The following AMZ1 variants were observed in gnomAD, a reference collection of about 807,000 sequenced individuals.
The protein encoded by AMZ1 is archaelysin family metallopeptidase 1.
AMZ1 carries 39 observed loss-of-function variants against 29.9 expected under a neutral mutation model. That is an observed-to-expected ratio of 1.30 (90% CI 1.01 to 1.70). AMZ1 has a LOEUF of 1.70. AMZ1 is among the 40% of genes most tolerant of loss of function. The pLI is 0.00. For synonymous variants in AMZ1, 458 were observed against 304.0 expected (o/e 1.51, Z -5.27); for missense variants, 1,041 against 680.6 (o/e 1.53, Z -5.89).
downstream of AMZ1, among the ~76,000 whole-genome samples, chr7:2,722,964 G>A (rs1172693125): frequency 6.6e-6 from 1 of 152,092 alleles, no homozygotes; most frequent in Admixed American, 6.5e-5. Flanking sequence ...GGGCCACAGA[G>A]CAAGACCCTA....
intron 3 of AMZ1, 42 bp downstream of exon 3, chr7:2,702,931 C>G: frequency 6.5e-7 from 1 of 1,532,958 alleles, no homozygotes; most frequent in Non-Finnish European, 8.7e-7. Context: ...AAGGCAGGCC[C>G]CTTCTGGAAG....
chr7:2,689,887 C>T (rs902472895), intron 1 of AMZ1, among the ~76,000 whole-genome samples: 5 of 152,132 alleles, frequency 3.3e-5, no homozygotes, highest in Admixed American at 6.5e-5. Context: ...GCTCCCTCCC[C>T]GTGGGTACCC....
intron 4 of AMZ1, among the ~76,000 whole-genome samples, chr7:2,737,275 T>TTTTGTTTTG (rs1562394871): frequency 1.9e-3 from 75 of 39,760 alleles, no homozygotes; most frequent in African/African-American, 6.4e-3. Flanking sequence ...TTTTGTTTTG[T>TTTTGTTTTG]TTTTTTTTTT....
chr7:2,733,437 G>T, intron 4 of AMZ1: 1 of 1,611,960 alleles, frequency 6.2e-7, no homozygotes, highest in Non-Finnish European at 8.5e-7. Context: ...CTTCGGGCGG[G>T]CGTGCTTACT....
Position 2,698,175 on chromosome 7 carries a change from T to G in AMZ1, c.-218-2059T>G, listed in dbSNP as rs1583155354. 2.6e-5 allele frequency among the ~76,000 whole-genome samples: 4 copies of G among 152,238 alleles called. No homozygotes were observed. The South Asian group carries it at 8.3e-4, about 32-fold the overall frequency. On this transcript the variant is annotated intron_variant, in intron 1 of 6. Coordinates refer to ENST00000683327, the MANE Select transcript of AMZ1 (RefSeq NM_001384743.1). ...TCAGGAGGCTACTGTGAGCCATGAT[T>G]GTGCCACTATACTCTAGCCTGGGCA...
chr7:2,709,119 A>G lies in AMZ1; in HGVS notation c.646A>G (p.Lys216Glu). Residue 216 changes from lysine to glutamate, a missense_variant, in exon 5 of 7, where the codon AAG (lysine) becomes GAG (glutamate). Coordinates refer to ENST00000683327, the MANE Select transcript of AMZ1 (RefSeq NM_001384743.1). ...CGCCCGGTTCTCAGGGGAATTCCCG[A>G]AGTCGGGGCCCAGCGCCCCTGATCT... The part of the protein sequence containing the change: ...SFARFSGEFP[K>E]SGPSAPDLAL... The G allele has an allele frequency of 1.9e-6, 3 of 1,600,838 alleles. No individual in the cohort carries two copies. The highest frequency in any genetic ancestry group is 2.6e-6 in the Non-Finnish European group (3 of 1,174,018).
chr7:2,740,518 G>A (rs1790446929), intron 4 of AMZ1, among the ~76,000 whole-genome samples: 1 of 152,166 alleles, frequency 6.6e-6, no homozygotes, highest in Non-Finnish European at 1.5e-5. Flanking sequence ...CCAGAGCTGT[G>A]AGAAAATTAA....
intron 5 of AMZ1, 59 bp from the exon 6 acceptor site, chr7:2,709,581 G>T (rs1309112469): frequency 6.4e-7 from 1 of 1,567,144 alleles, no homozygotes; most frequent in African/African-American, 1.4e-5. Context: ...GCTGCCTGGG[G>T]ATCTGCCGGA....
chr7:2,699,531 G>C (rs1384274719), intron 1 of AMZ1, among the ~76,000 whole-genome samples: 43 of 150,206 alleles, frequency 2.9e-4, no homozygotes, highest in Non-Finnish European at 4.9e-4. Context: ...GCGTACCCCC[G>C]CCCCCCCCCA....
chr7:2,695,254 A>G (rs1787642153), intron 1 of AMZ1, among the ~76,000 whole-genome samples: 1 of 151,948 alleles, frequency 6.6e-6, no homozygotes, highest in Non-Finnish European at 1.5e-5. Context: ...CCTGGTGTGA[A>G]CCTGCCAGGA....
chr7:2,760,776 T>C (rs1327590857), upstream of AMZ1, among the ~76,000 whole-genome samples: 1 of 152,220 alleles, frequency 6.6e-6, no homozygotes, highest in Non-Finnish European at 1.5e-5. Context: ...AGCGTCGAGC[T>C]CCCTACTGCT....
intron 1 of AMZ1, among the ~76,000 whole-genome samples, chr7:2,690,350 C>G (rs763656604): frequency 6.6e-6 from 1 of 152,220 alleles, no homozygotes; most frequent in Non-Finnish European, 1.5e-5. Context: ...TCCCTAGTAG[C>G]TGGGACCACA....
chr7:2,712,597 G>A lies in AMZ1; in HGVS notation c.1216G>A (p.Glu406Lys). Residue 406 changes from glutamate (E) to lysine (K), a missense_variant, in exon 7 of 7, where the codon GAG becomes AAG. Glu to Lys is a moderately conservative substitution (Grantham distance 56). Coordinates refer to ENST00000683327, the MANE Select transcript of AMZ1 (RefSeq NM_001384743.1). The part of the protein sequence containing the change: ...PPGGPAEAIK[E>K]HERWLAMCIQ... ...TGGGGGCCCTGCGGAGGCCATCAAG[G>A]AGCATGAACGGTGGCTGGCCATGTG... is the stretch of plus-strand genomic sequence containing the variant. 1.2e-6 allele frequency: 2 copies of A among 1,612,724 alleles called. No homozygotes were observed. Among genetic ancestry groups the A allele is most frequent in the Non-Finnish European group, 1.7e-6 (2 of 1,179,758 alleles).
At chr7:2,744,425 C>T (rs1370769640) in intron 4 of AMZ1, among the ~76,000 whole-genome samples, 1 of 152,208 alleles carries the variant, frequency 6.6e-6, no homozygotes, top group Admixed American at 6.5e-5. Flanking sequence ...GAGTGGACCT[C>T]TAGCAAACTC....
At chr7:2,723,291 G>A (rs530871735), downstream of AMZ1, among the ~76,000 whole-genome samples, 1 of 152,350 alleles carries the variant, frequency 6.6e-6, no homozygotes, top group African/African-American at 2.4e-5. Context: ...CCTGTTTGCA[G>A]GGGAATGTGG....
At chr7:2,755,751 TA>T (rs928680925) in intron 4 of AMZ1, among the ~76,000 whole-genome samples, 8 of 152,222 alleles carry the variant, frequency 5.3e-5, no homozygotes, top group African/African-American at 1.9e-4. Flanking sequence ...CTGCATTGGC[TA>T]AAACAGGAAA....
intron 3 of AMZ1, among the ~76,000 whole-genome samples, chr7:2,706,665 C>T (rs965592433): frequency 5.3e-5 from 8 of 152,236 alleles, no homozygotes; most frequent in African/African-American, 1.9e-4. Context: ...TGTGCCTCTG[C>T]GTCTCTTCTA....
chr7:2,699,363 C>T (rs1265246290), intron 1 of AMZ1, among the ~76,000 whole-genome samples: 1 of 152,186 alleles, frequency 6.6e-6, no homozygotes, highest in African/African-American at 2.4e-5. Flanking sequence ...CCGTCTCCTC[C>T]CTACCTGGTC....
chr7:2,717,361 C>CGA lies in AMZ1; in HGVS notation c.*4483_*4484insGA. Among the ~76,000 whole-genome samples the CGA allele has an allele frequency of 6.6e-6, 1 of 152,256 alleles. No homozygotes were observed. Among genetic ancestry groups the CGA allele is most frequent in the African/African-American group, 2.4e-5 (1 of 41,470 alleles). ...CTGTGTGCTGGAAGCAAACGACGGC[C>CGA]CGTCCTCTAAGCTGGCTTTGCAGCT... On this transcript the variant is annotated 3_prime_UTR_variant, in exon 7 of 7. Transcript: ENST00000683327.
Sources: allele counts gnomAD v4.1 joint callset (sites outside exome capture counted in the v4.1 genomes callset), GRCh38; gene constraint gnomAD v4.1.1; transcripts MANE v1.5; gene names NCBI Gene and HGNC (gene_info 2026-07-23, HGNC 2026-07-21).